The following DPP10 variants were observed in gnomAD, a reference collection of about 807,000 sequenced individuals.
DPP10 encodes the protein inactive dipeptidyl peptidase 10.
Under a neutral mutation model 120.9 loss-of-function variants are expected in DPP10, and 33 were observed. The observed-to-expected ratio is 0.27, with a 90% CI of 0.21 to 0.37. DPP10 has a LOEUF of 0.37. Among genes scored for constraint, DPP10 ranks in the 10% least tolerant of loss-of-function variants. DPP10 has a pLI of 1.00. For missense variants in DPP10, 816 were observed against 942.8 expected, an observed-to-expected ratio of 0.87 and a Z score of 1.76; for synonymous variants, 337 against 326.1, an observed-to-expected ratio of 1.03 and a Z score of -0.36.
chr2:115,334,316 A>G (rs1337075288), intron 2 of DPP10, among the ~76,000 whole-genome samples: 5 of 148,226 alleles, frequency 3.4e-5, no homozygotes, highest in Non-Finnish European at 6.0e-5. Flanking sequence ...GATATATAGA[A>G]GGAAATCCCT....
chr2:114,769,038 A>G (rs1014216275), intron 1 of DPP10, among the ~76,000 whole-genome samples: 2 of 152,146 alleles, frequency 1.3e-5, no homozygotes, highest in Non-Finnish European at 2.9e-5. Context: ...GACTAAATTA[A>G]GAGTGGAATA....
At chr2:115,241,085 A>T (rs1399315289) in intron 1 of DPP10, among the ~76,000 whole-genome samples, 1 of 152,168 alleles carries the variant, frequency 6.6e-6, no homozygotes, top group Non-Finnish European at 1.5e-5. Context: ...TCTGACCAAC[A>T]TGGTAAAACC....
intron 3 of DPP10, among the ~76,000 whole-genome samples, chr2:115,354,786 T>G (rs2064264598): frequency 6.6e-6 from 1 of 151,794 alleles, no homozygotes; most frequent in African/African-American, 2.4e-5. Flanking sequence ...CACTTATGAG[T>G]GAGAACATGT....
intron 1 of DPP10, among the ~76,000 whole-genome samples, chr2:114,446,010 C>A (rs1677922844): frequency 6.6e-6 from 1 of 152,080 alleles, no homozygotes; most frequent in South Asian, 2.1e-4. Flanking sequence ...GTGAAGGTAG[C>A]AACATTCTTT....
In DPP10 at chr2:115,037,725, C is replaced by G. The variant is rs371721741; in HGVS notation, c.61-271514C>G. Reference sequence around the variant, plus strand: ...GCTTTTAAAAAATTTGCACACTGATCTAACTGCTTTGCTCCACTAAGTGTG... The same window carrying G: ...GCTTTTAAAAAATTTGCACACTGATGTAACTGCTTTGCTCCACTAAGTGTG... On this transcript the variant is annotated intron_variant, in intron 1 of 25. Coordinates refer to ENST00000410059, the MANE Select transcript of DPP10 (RefSeq NM_020868.6). 1.1e-4 allele frequency among the ~76,000 whole-genome samples: 16 copies of G among 152,312 alleles called. No individual in the cohort carries two copies. The East Asian group carries it at 3.1e-3, about 29-fold the overall frequency.
At chr2:114,601,325 G>T (rs971704319) in intron 1 of DPP10, among the ~76,000 whole-genome samples, 2 of 151,860 alleles carry the variant, frequency 1.3e-5, no homozygotes, top group African/African-American at 4.8e-5. Context: ...CTAGACCAAA[G>T]ATCTTCTCAC....
chr2:115,572,453 C>A (rs1362902749), intron 5 of DPP10, among the ~76,000 whole-genome samples: 2 of 152,092 alleles, frequency 1.3e-5, no homozygotes, highest in Non-Finnish European at 2.9e-5. Flanking sequence ...ACACACATTG[C>A]ACAACATGTA....
chr2:115,475,687 T>G (rs2075031094), intron 3 of DPP10, among the ~76,000 whole-genome samples: 1 of 152,164 alleles, frequency 6.6e-6, no homozygotes. Context: ...AGAACAGTTG[T>G]GGGGGCTAAA....
rs779435078 is a variant in DPP10 at position 115,166,504 on chromosome 2, T to TTATATAAATTTATAATATAAATATA, written c.61-142706_61-142682dup. Among the ~76,000 whole-genome samples the TTATATAAATTTATAATATAAATATA allele has an allele frequency of 9.2e-4, 133 of 143,932 alleles. 3 individuals are homozygous for TTATATAAATTTATAATATAAATATA. Among genetic ancestry groups the TTATATAAATTTATAATATAAATATA allele is most frequent in the African/African-American group, 2.1e-3 (82 of 39,290 alleles). 94.4% of individuals were successfully genotyped at this position (143,932 alleles called of 152,430 possible). A position where few individuals can be genotyped will look rare whatever the true frequency, so the allele number is the denominator to read the frequency against. On this transcript the variant is annotated intron_variant, in intron 1 of 25. Coordinates refer to ENST00000410059, the MANE Select transcript of DPP10 (RefSeq NM_020868.6). Reference sequence around the variant, plus strand: ...TATTTTTATATGTAAATATTATATATTATATAAATTTATAATATAAATATA... The same window carrying TTATATAAATTTATAATATAAATATA: ...TATTTTTATATGTAAATATTATATATTATATAAATTTATAATATAAATATATATATAAATTTATAATATAAATATA...
chr2:114,786,978 C>T (rs949601559), intron 1 of DPP10, among the ~76,000 whole-genome samples: 3 of 152,086 alleles, frequency 2.0e-5, no homozygotes, highest in African/African-American at 4.8e-5. Context: ...GTGCCAGACA[C>T]GGTTTTAGGA....
intron 1 of DPP10, among the ~76,000 whole-genome samples, chr2:114,867,503 GTTTCCTTATGTCTC>G (rs1690333696): frequency 6.6e-6 from 1 of 152,010 alleles, no homozygotes; most frequent in African/African-American, 2.4e-5. Flanking sequence ...GTCGCTACAA[GTTTCCTTATGTCTC>G]TTTCCTTATA....
intron 3 of DPP10, among the ~76,000 whole-genome samples, chr2:115,400,631 T>C (rs2068004186): frequency 6.6e-6 from 1 of 152,176 alleles, no homozygotes; most frequent in Non-Finnish European, 1.5e-5. Flanking sequence ...TGAAAATGTG[T>C]ATGTTGAACC....
At chr2:114,446,861 A>G (rs1460257656) in intron 1 of DPP10, among the ~76,000 whole-genome samples, 1 of 152,160 alleles carries the variant, frequency 6.6e-6, no homozygotes, top group Non-Finnish European at 1.5e-5. Flanking sequence ...ACAAGGGGTT[A>G]AAAGAGGATG....
chr2:115,400,911 G>C (rs907595914), intron 3 of DPP10, among the ~76,000 whole-genome samples: 1 of 152,192 alleles, frequency 6.6e-6, no homozygotes, highest in African/African-American at 2.4e-5. Flanking sequence ...AACTTCCTCA[G>C]TTTGGAGTAG....
At chr2:115,654,609 A>G (rs1373952449) in intron 5 of DPP10, among the ~76,000 whole-genome samples, 1 of 151,514 alleles carries the variant, frequency 6.6e-6, no homozygotes, top group African/African-American at 2.4e-5. Context: ...AGTCACAAAA[A>G]GTGTGGAAAT....
At chr2:114,622,386 A>T (rs766645400) in intron 1 of DPP10, among the ~76,000 whole-genome samples, 1 of 149,018 alleles carries the variant, frequency 6.7e-6, no homozygotes, top group Admixed American at 6.7e-5. Context: ...CCATCTATCC[A>T]TCCATCCCCA....
At chr2:115,641,718 A>G (rs758830548) in intron 5 of DPP10, among the ~76,000 whole-genome samples, 2 of 152,178 alleles carry the variant, frequency 1.3e-5, no homozygotes, top group Non-Finnish European at 2.9e-5. Context: ...ACTGGGTTCA[A>G]TGTGCATGTG....
intron 3 of DPP10, among the ~76,000 whole-genome samples, chr2:115,462,365 A>G (rs1337552509): frequency 6.6e-6 from 1 of 152,128 alleles, no homozygotes; most frequent in Non-Finnish European, 1.5e-5. Flanking sequence ...CTTTTCTACA[A>G]TTAATACTTC....
chr2:115,111,261 C>T (rs917453160), intron 1 of DPP10, among the ~76,000 whole-genome samples: 5 of 148,646 alleles, frequency 3.4e-5, no homozygotes, highest in South Asian at 2.1e-4. Context: ...TTTTAAATTA[C>T]GTTGTATAGC....
Sources: allele counts gnomAD v4.1 joint callset (sites outside exome capture counted in the v4.1 genomes callset), GRCh38; gene constraint gnomAD v4.1.1; transcripts MANE v1.5; gene names NCBI Gene and HGNC (gene_info 2026-07-23, HGNC 2026-07-21).